The following CELF4 variants were observed in gnomAD, a reference collection of about 807,000 sequenced individuals.
CELF4 encodes CUGBP Elav-like family member 4, also known as CUG-BP- and ETR-3-like factor 4.
Under a neutral mutation model 59.9 loss-of-function variants are expected in CELF4, and 18 were observed. That is an observed-to-expected ratio of 0.30 (90% confidence interval 0.21 to 0.45). The LOEUF (loss-of-function observed/expected upper bound fraction) is 0.45, where lower values mean the gene tolerates loss of function less well. Ranked by LOEUF, CELF4 falls within the 20% of genes least tolerant of loss-of-function variation. CELF4 has a pLI of 1.00. For synonymous variants in CELF4, 261 were observed against 267.1 expected (o/e 0.98, Z 0.22); for missense variants, 456 against 689.0 (o/e 0.66, Z 3.79).
chr18:37,258,978 T>G, intron 11 of CELF4: 6 of 655,342 alleles, frequency 9.2e-6, no homozygotes, highest in East Asian at 2.9e-5. Flanking sequence ...GAGAGAAGGG[T>G]GAGATGAGGC....
chr18:37,558,723 C>A lies in CELF4; in HGVS notation c.286+6633G>T, dbSNP rs1417366412. ...TATAGAGAGCCCAAAAGGAGGGCAACCGGCTCCCTGCCACGCCCTGCTTGG... is the reference window on the plus strand; with the variant it reads ...TATAGAGAGCCCAAAAGGAGGGCAAACGGCTCCCTGCCACGCCCTGCTTGG... On this transcript the variant is annotated intron_variant, in intron 1 of 12. Coordinates refer to ENST00000420428, the MANE Select transcript of CELF4 (RefSeq NM_020180.4). 2.0e-5 allele frequency among the ~76,000 whole-genome samples: 3 copies of A among 151,954 alleles called. No homozygotes were observed. The East Asian group carries it at 5.9e-4, about 30-fold the overall frequency.
At chr18:37,381,396 A>G (rs1192047067) in intron 2 of CELF4, among the ~76,000 whole-genome samples, 1 of 152,066 alleles carries the variant, frequency 6.6e-6, no homozygotes, top group Non-Finnish European at 1.5e-5. Flanking sequence ...TGCTTGACTT[A>G]GGCCCCCTGG....
At chr18:37,453,431 G>T (rs2154601775) in intron 2 of CELF4, among the ~76,000 whole-genome samples, 1 of 152,342 alleles carries the variant, frequency 6.6e-6, no homozygotes, top group South Asian at 2.1e-4. Flanking sequence ...CCAAGGAGGG[G>T]ATTATGAGTA....
chr18:37,250,409 AG>A (rs112642352), intron 12 of CELF4, among the ~76,000 whole-genome samples: 46,888 of 151,750 alleles, frequency 0.31, 7,516 homozygotes, highest in African/African-American at 0.34. Flanking sequence ...TGCCCTGCCT[AG>A]GCCCTTCTCC....
chr18:37,409,532 C>T (rs367684465), intron 2 of CELF4, among the ~76,000 whole-genome samples: 4 of 152,282 alleles, frequency 2.6e-5, no homozygotes, highest in East Asian at 1.9e-4. Flanking sequence ...GTTTACTCTA[C>T]GCTATTCTGA....
intron 3 of CELF4, among the ~76,000 whole-genome samples, chr18:37,310,917 CG>C (rs2080909228): frequency 6.6e-6 from 1 of 152,142 alleles, no homozygotes. Flanking sequence ...CCGGGCCAGA[CG>C]GTAGTGACAT....
chr18:37,355,167 A>T (rs572533414), intron 2 of CELF4, among the ~76,000 whole-genome samples: 1 of 152,286 alleles, frequency 6.6e-6, no homozygotes, highest in South Asian at 2.1e-4. Flanking sequence ...CTGCTTGGGG[A>T]TGTAAGGTGT....
At chr18:37,538,169 G>T (rs1396051141) in intron 1 of CELF4, among the ~76,000 whole-genome samples, 2 of 152,232 alleles carry the variant, frequency 1.3e-5, no homozygotes, top group East Asian at 1.9e-4. Flanking sequence ...CCAGGGGATG[G>T]CCCTGGTCTC....
chr18:37,416,986 T>C (rs1333237943), intron 2 of CELF4, among the ~76,000 whole-genome samples: 2 of 130,634 alleles, frequency 1.5e-5, no homozygotes, highest in South Asian at 4.9e-4. Flanking sequence ...AAAGGGAGAA[T>C]AGAAGAGAGA....
At chr18:37,502,785 A>C (rs952697885) in intron 1 of CELF4, among the ~76,000 whole-genome samples, 3 of 152,168 alleles carry the variant, frequency 2.0e-5, no homozygotes, top group African/African-American at 7.2e-5. Context: ...AATTCCCACC[A>C]ATCAGCCAAG....
intron 1 of CELF4, among the ~76,000 whole-genome samples, chr18:37,548,611 C>G (rs1434073363): frequency 6.6e-6 from 1 of 152,172 alleles, no homozygotes; most frequent in Admixed American, 6.5e-5. Context: ...GATAGGGGTG[C>G]TGGCCCTTAA....
intron 2 of CELF4, 105 bp downstream of exon 2, chr18:37,485,420 G>C: frequency 2.2e-6 from 1 of 447,432 alleles, no homozygotes; most frequent in Non-Finnish European, 3.0e-6. Context: ...GCGGGGCGGC[G>C]GGCGCCCTGC....
chr18:37,244,886 C>T lies in CELF4; in HGVS notation c.*356G>A, dbSNP rs1167340217. 2 of 152,644 alleles carry T rather than the reference C, an allele frequency of 1.3e-5. No individual in the cohort carries two copies. The highest frequency in any genetic ancestry group is 2.9e-5 in the Non-Finnish European group (2 of 68,044). The allele number at this position is 152,644 out of a possible 1,614,324, so 9.5% of individuals were successfully genotyped here. A position where few individuals can be genotyped will look rare whatever the true frequency, so the allele number is the denominator to read the frequency against. On this transcript the variant is annotated 3_prime_UTR_variant, in exon 13 of 13. Transcript: ENST00000420428. ...GGGATCGGTAAGCAGCGTCTCCTCC[C>T]AGCTCCCAGCCCTTCAGCCTCCCCG...
chr18:37,258,284 A>G (rs1312651743), intron 11 of CELF4, among the ~76,000 whole-genome samples: 1 of 127,262 alleles, frequency 7.9e-6, no homozygotes, highest in Non-Finnish European at 1.7e-5. Flanking sequence ...CATAGTGGAA[A>G]CCCCCCAGCA....
Position 37,244,984 on chromosome 18 carries a change from A to G in CELF4, c.*258T>C, listed in dbSNP as rs927836922. On this transcript the variant is annotated 3_prime_UTR_variant, in exon 13 of 13. Coordinates refer to ENST00000420428, the MANE Select transcript of CELF4 (RefSeq NM_020180.4). ...CTCATTTTTCTTCATCTTCTTCTTC[A>G]TGTCATATATATTTTCCCCCAAACA... 2.0e-5 allele frequency: 3 copies of G among 152,134 alleles called. No homozygotes were observed. The highest frequency in any genetic ancestry group is 7.3e-5 in the African/African-American group (3 of 41,262). The allele number at this position is 152,134 out of a possible 1,614,324, so 9.4% of individuals were successfully genotyped here. A position where few individuals can be genotyped will look rare whatever the true frequency, so the allele number is the denominator to read the frequency against.
At chr18:37,296,624 C>T (rs1201770480) in intron 3 of CELF4, among the ~76,000 whole-genome samples, 1 of 152,192 alleles carries the variant, frequency 6.6e-6, no homozygotes, top group African/African-American at 2.4e-5. Context: ...CCGGCCTTGT[C>T]CTGGCACCTT....
chr18:37,401,051 C>T (rs2099320548), intron 2 of CELF4, among the ~76,000 whole-genome samples: 1 of 152,174 alleles, frequency 6.6e-6, no homozygotes, highest in Admixed American at 6.5e-5. Context: ...GGGGTCCTTC[C>T]TTGGCTGCTT....
At chr18:37,312,935 A>G (rs1016030249) in intron 3 of CELF4, among the ~76,000 whole-genome samples, 1 of 152,212 alleles carries the variant, frequency 6.6e-6, no homozygotes, top group Admixed American at 6.5e-5. Flanking sequence ...GAACAAGGAT[A>G]TGTAGCCCCC....
chr18:37,337,265 G>A (rs1232442298), intron 2 of CELF4, among the ~76,000 whole-genome samples: 1 of 152,146 alleles, frequency 6.6e-6, no homozygotes, highest in Non-Finnish European at 1.5e-5. Flanking sequence ...TGGGGAGACT[G>A]GCGAGACCCA....
Sources: allele counts gnomAD v4.1 joint callset (sites outside exome capture counted in the v4.1 genomes callset), GRCh38; gene constraint gnomAD v4.1.1; transcripts MANE v1.5; gene names NCBI Gene and HGNC (gene_info 2026-07-23, HGNC 2026-07-21).